The following CCDC154 variants were observed in gnomAD, a reference collection of about 807,000 sequenced individuals.
CCDC154 encodes the protein coiled-coil domain containing 154.
A neutral mutation model predicts 87.5 loss-of-function variants in CCDC154; 91 were observed. The ratio of observed to expected loss-of-function variants is 1.04; its 90% CI spans 0.88 to 1.24. The LOEUF is 1.24. Ranked by LOEUF, CCDC154 falls within the 50% of genes most tolerant of loss-of-function variation. The pLI is 0.00. For synonymous variants in CCDC154, 418 were observed against 400.4 expected (o/e 1.04, Z -0.52); for missense variants, 903 against 879.2 (o/e 1.03, Z -0.34).
intron 15 of CCDC154, 55 bp downstream of exon 15, chr16:1,435,034 G>C (rs1309181389): frequency 6.6e-7 from 1 of 1,511,766 alleles, no homozygotes; most frequent in Non-Finnish European, 9.0e-7. Flanking sequence ...GGAGGCGGCA[G>C]GGCTGAGGGA....
chr16:1,443,088 C>G, intron 4 of CCDC154, 113 bp from the exon 5 acceptor site: 4 of 1,409,862 alleles, frequency 2.8e-6, no homozygotes, highest in Non-Finnish European at 3.9e-6. Flanking sequence ...TCCTGGGCCT[C>G]TGAAGGCCGC....
chr16:1,434,423 C>T lies in CCDC154; in HGVS notation c.1989G>A (p.Leu663=), dbSNP rs113626096. Residue 663 remains leucine (L), a synonymous_variant, in exon 17 of 17, where the codon CTG becomes CTA. Coordinates refer to ENST00000389176, the MANE Select transcript of CCDC154 (RefSeq NM_001143980.3). ...GCCAGCACGTTTATTTCTGGATAAACAGTGAGGGTGTGAGCTGCTGCACCT... is the reference window on the plus strand; with the variant it reads ...GCCAGCACGTTTATTTCTGGATAAATAGTGAGGGTGTGAGCTGCTGCACCT... ...QEQVQQLTPS[L]FIQK 5.0e-4 allele frequency: 781 copies of T among 1,550,380 alleles called. 2 individuals are homozygous for T. The African/African-American group carries it at 9.3e-3, about 18-fold the overall frequency.
At position 1,436,536 on chromosome 16, in the gene CCDC154, G is replaced by A. The variant is rs141015418; in HGVS notation, c.1411-15C>T. On this transcript the variant is annotated splice_polypyrimidine_tract_variant and intron_variant, in intron 12 of 16. Transcript: ENST00000389176. ...ACACTCTCTATCTGAACACAGAGCC[G>A]GGAGCGGCGGGCAGCCCCAGGGCGC... 1.3e-5 allele frequency: 20 copies of A among 1,548,304 alleles called. No homozygotes were observed. Among genetic ancestry groups the A allele is most frequent in the African/African-American group, 2.7e-5 (2 of 73,184 alleles).
intron 1 of CCDC154, 142 bp downstream of exon 1, chr16:1,444,173 TC>T: frequency 9.5e-7 from 1 of 1,056,914 alleles, no homozygotes; most frequent in Non-Finnish European, 1.3e-6. Flanking sequence ...CTCAGACAAG[TC>T]CAGGGCCCTG....
At chr16:1,442,271 C>G (rs2038558381) in intron 6 of CCDC154, 135 bp downstream of exon 6, 3 of 1,112,406 alleles carry the variant, frequency 2.7e-6, no homozygotes, top group Non-Finnish European at 3.7e-6. Context: ...TTTACATTGT[C>G]TACAACTATA....
chr16:1,443,576 C>T lies in CCDC154; in HGVS notation c.344G>A (p.Gly115Asp). The change falls in exon 3 of 17, where the codon GGC becomes GAC. Residue 115 changes from glycine (G) to aspartate (D), a missense_variant. Transcript: ENST00000389176. Reference sequence around the variant, plus strand: ...CTGCTGCAACTGCCTCAGCTCTGAGCCCTGCAGCTGCACGCGGGCCCGCAC... The same window carrying T: ...CTGCTGCAACTGCCTCAGCTCTGAGTCCTGCAGCTGCACGCGGGCCCGCAC... ...LQVRARVQLQ[G>D]SELRQLQQEA... 1.4e-6 allele frequency: 2 copies of T among 1,479,660 alleles called. No individual in the cohort carries two copies. The highest frequency in any genetic ancestry group is 9.0e-7 in the Non-Finnish European group (1 of 1,116,398). 91.7% of individuals were successfully genotyped at this position (1,479,660 alleles called of 1,614,324 possible). A position where few individuals can be genotyped will look rare whatever the true frequency, so the allele number is the denominator to read the frequency against.
intron 11 of CCDC154, 130 bp from the exon 12 acceptor site, chr16:1,436,941 C>G (rs1337588625): frequency 3.2e-6 from 4 of 1,267,770 alleles, no homozygotes; most frequent in Non-Finnish European, 4.3e-6. Context: ...CATTTGTGCA[C>G]AGGCCTGCAG....
chr16:1,434,457 C>T lies in CCDC154; in HGVS notation c.1955G>A (p.Ser652Asn), dbSNP rs1352204889. The T allele has an allele frequency of 6.5e-7, 1 of 1,550,290 alleles. No individual in the cohort carries two copies. Among genetic ancestry groups the T allele is most frequent in the Admixed American group, 2.0e-5 (1 of 51,010 alleles). The stretch of plus-strand genomic sequence containing the variant: ...TGTGAGCTGCTGCACCTGCTCCTGG[C>T]TGTGGGGCTTCTCCAGGACCCCTCC... ...RPGGVLEKPH[S>N]QEQVQQLTPS... The change falls in exon 17 of 17, where the codon AGC (serine) becomes AAC (asparagine). Residue 652 changes from serine to asparagine, a missense_variant. Physicochemically the swap from Ser to Asn is conservative, Grantham distance 46. Transcript: ENST00000389176.
Position 1,434,716 on chromosome 16 carries a change from G to T in CCDC154, c.1829C>A (p.Pro610His), listed in dbSNP as rs1391467583. 1 of 1,546,948 alleles carries T rather than the reference G, an allele frequency of 6.5e-7. No homozygotes were observed. Among genetic ancestry groups the T allele is most frequent in the Admixed American group, 2.0e-5 (1 of 51,004 alleles). The change falls in exon 16 of 17, where the codon CCT (proline) becomes CAT (histidine). Residue 610 changes from proline to histidine, a missense_variant. Coordinates refer to ENST00000389176, the MANE Select transcript of CCDC154 (RefSeq NM_001143980.3). ...GCAGTTCATGGGCACCACCTTGCCAGGCGCCATGTCCTTGATGAAGACCCG... is the reference window on the plus strand; with the variant it reads ...GCAGTTCATGGGCACCACCTTGCCATGCGCCATGTCCTTGATGAAGACCCG... ...RPRVFIKDMAPGKVVPMNCWG... is the reference protein window; with the variant it reads ...RPRVFIKDMAHGKVVPMNCWG...
At chr16:1,442,257 G>C (rs1267296807) in intron 6 of CCDC154, 149 bp downstream of exon 6, 2 of 985,434 alleles carry the variant, frequency 2.0e-6, no homozygotes, top group Admixed American at 7.2e-5. Context: ...CTGAGGAATT[G>C]AGTTTTACAT....
intron 6 of CCDC154, among the ~76,000 whole-genome samples, chr16:1,440,500 G>GAAGAGAAGAGAACAGAA (rs1567258638): frequency 0.011 from 1,657 of 147,220 alleles, 28 homozygotes; most frequent in African/African-American, 0.029. Context: ...ACAGAAAAGA[G>GAAGAGAAGAGAACAGAA]AAGAGAAGAG....
chr16:1,442,677 T>A, intron 5 of CCDC154, 148 bp from the exon 6 acceptor site: 1 of 1,084,900 alleles, frequency 9.2e-7, no homozygotes, highest in Non-Finnish European at 1.3e-6. Context: ...ACAGCACCGG[T>A]GGCAGGGAAG....
Position 1,436,050 on chromosome 16 carries a change from G to A in CCDC154, c.1524C>T (p.Ala508=). The change falls in exon 14 of 17, where the codon GCC becomes GCT. Residue 508 remains alanine, a synonymous_variant. Transcript: ENST00000389176. Reference sequence around the variant, plus strand: ...GCAGCTGCACGGATGATAGTAGCGTGGCCAGCTCCTGCCGCAGGGCCCCAA... The same window carrying A: ...GCAGCTGCACGGATGATAGTAGCGTAGCCAGCTCCTGCCGCAGGGCCCCAA... ...FKVGALRQEL[A]TLLSSVQLLK... The A allele has an allele frequency of 1.3e-6, 2 of 1,550,350 alleles. No homozygotes were observed. Among genetic ancestry groups the A allele is most frequent in the Non-Finnish European group, 8.7e-7 (1 of 1,146,904 alleles).
Position 1,438,894 on chromosome 16 carries a change from C to G in CCDC154, c.827G>C (p.Arg276Pro). 1.3e-6 allele frequency: 2 copies of G among 1,549,602 alleles called. No homozygotes were observed. Among genetic ancestry groups the G allele is most frequent in the Non-Finnish European group, 1.7e-6 (2 of 1,146,660 alleles). The change falls in exon 8 of 17, where the codon CGG becomes CCG. Residue 276 changes from arginine to proline, a missense_variant. By Grantham distance (103) the Arg-to-Pro change is moderately radical (BLOSUM62 -2). Transcript: ENST00000389176. ...SSRLKLEGSL[R>P]GELESRWEKL... ...CTCCCACCGGCTCTCCAGCTCGCCCCGCAGGCTGCCCTCCAGCTTCAGCCG... is the reference window on the plus strand; with the variant it reads ...CTCCCACCGGCTCTCCAGCTCGCCCGGCAGGCTGCCCTCCAGCTTCAGCCG...
Position 1,440,148 on chromosome 16 carries a change from A to G in CCDC154, c.676-1022T>C, listed in dbSNP as rs948482108. Among the ~76,000 whole-genome samples the G allele has an allele frequency of 6.9e-4, 101 of 146,712 alleles. 1 individual carries two copies. The highest frequency in any genetic ancestry group is 4.7e-3 in the South Asian group (22 of 4,648). ...GGGCGACAGAGCGAGACTGTCAGAA[A>G]AAAAAAAAAAAAAAAAAATGGCCGG... is the stretch of plus-strand genomic sequence containing the variant. On this transcript the variant is annotated intron_variant, in intron 6 of 16. Transcript: ENST00000389176.
chr16:1,443,082 G>T (rs2038569604), intron 4 of CCDC154, 107 bp from the exon 5 acceptor site: 4 of 1,433,238 alleles, frequency 2.8e-6, no homozygotes, highest in South Asian at 2.5e-5. Flanking sequence ...TGGCTTTCCT[G>T]GGCCTCTGAA....
At chr16:1,438,512 G>A (rs772668328) in intron 9 of CCDC154, 107 bp downstream of exon 9, 23 of 1,076,622 alleles carry the variant, frequency 2.1e-5, no homozygotes, top group Admixed American at 8.5e-5. Flanking sequence ...CACTCTGCTC[G>A]GGGGAGGCAA....
intron 4 of CCDC154, 79 bp downstream of exon 4, chr16:1,443,182 C>A (rs943536018): frequency 2.7e-6 from 4 of 1,483,466 alleles, no homozygotes; most frequent in Middle Eastern, 1.8e-4. Flanking sequence ...GAGATGTGGA[C>A]CCCCCACCAC....
intron 16 of CCDC154, 33 bp downstream of exon 16, chr16:1,434,635 C>T (rs1449101017): frequency 1.3e-6 from 2 of 1,540,508 alleles, no homozygotes; most frequent in South Asian, 1.2e-5. Flanking sequence ...GCCCAAAGGC[C>T]CAGGAGGCCG....
Sources: gnomAD v4.1 joint callset for allele counts (sites outside exome capture counted in the v4.1 genomes callset) on GRCh38, gnomAD v4.1.1 for gene constraint, MANE v1.5 for transcripts, NCBI Gene and HGNC (gene_info 2026-07-23, HGNC 2026-07-21) for gene names.